Variants in PDE1C observed in about 807,000 individuals in gnomAD.
PDE1C encodes dual specificity calcium/calmodulin-dependent 3',5'-cyclic nucleotide phosphodiesterase 1C.
PDE1C carries 62 observed loss-of-function variants against 93.1 expected under a neutral mutation model. That is an observed-to-expected ratio of 0.67 (90% CI 0.54 to 0.82). The LOEUF (loss-of-function observed/expected upper bound fraction) is 0.82, where lower values mean the gene tolerates loss of function less well. PDE1C is among the 40% of genes least tolerant of loss of function. The pLI is 0.00. For missense variants in PDE1C, 742 were observed against 884.6 expected (o/e 0.84, Z 2.04); for synonymous variants, 325 against 310.1 (o/e 1.05, Z -0.50).
Position 31,823,065 on chromosome 7 carries a change from C to G in PDE1C, c.1582+8G>C. On this transcript the variant is annotated splice_region_variant and intron_variant, in intron 14 of 17. Transcript: ENST00000396191. ...TGAATTGGTTTGGACAGGTCTGTGGCATGTTACCTTTGGGTACCTTGGCCC... is the reference window on the plus strand; with the variant it reads ...TGAATTGGTTTGGACAGGTCTGTGGGATGTTACCTTTGGGTACCTTGGCCC... 6.2e-7 allele frequency: 1 copy of G among 1,605,040 alleles called. No individual in the cohort carries two copies. Among genetic ancestry groups the G allele is most frequent in the Non-Finnish European group, 8.5e-7 (1 of 1,175,338 alleles).
the PDE1C span, among the ~76,000 whole-genome samples, chr7:31,664,478 A>G: frequency 1.3e-5 from 2 of 152,204 alleles, no homozygotes; most frequent in Admixed American, 6.5e-5. Flanking sequence ...TCAGAACAAA[A>G]TAGAACATAA....
chr7:32,412,180 C>A (rs1024438290), intron 1 of PDE1C, among the ~76,000 whole-genome samples: 1 of 152,082 alleles, frequency 6.6e-6, no homozygotes, highest in Admixed American at 6.5e-5. Context: ...TACGGCTGGG[C>A]GCGGTGGCTC....
chr7:31,786,168 T>A (rs1276722434), intron 16 of PDE1C: 1 of 152,168 alleles, frequency 6.6e-6, no homozygotes, highest in Non-Finnish European at 1.5e-5. Context: ...AGAGTCTGTT[T>A]AAGGTTTTAA....
chr7:32,344,256 G>C (rs1783810391), intron 1 of PDE1C, among the ~76,000 whole-genome samples: 1 of 151,874 alleles, frequency 6.6e-6, no homozygotes, highest in Non-Finnish European at 1.5e-5. Context: ...TCATTCTTTT[G>C]TAGAGAGGGA....
intron 1 of PDE1C, among the ~76,000 whole-genome samples, chr7:32,313,715 G>A (rs1351266116): frequency 7.0e-6 from 1 of 143,458 alleles, no homozygotes; most frequent in Non-Finnish European, 1.5e-5. Context: ...AGAACACATG[G>A]ACACAGGAAG....
chr7:31,883,503 A>T (rs1330864676), intron 2 of PDE1C, among the ~76,000 whole-genome samples: 1 of 152,260 alleles, frequency 6.6e-6, no homozygotes. Flanking sequence ...ACAATCTCCT[A>T]TTTCTCATAC....
intron 1 of PDE1C, among the ~76,000 whole-genome samples, chr7:32,320,206 T>C (rs1264966576): frequency 6.6e-6 from 1 of 152,248 alleles, no homozygotes; most frequent in African/African-American, 2.4e-5. Flanking sequence ...AGTATATTTT[T>C]ACAATGACCA....
the PDE1C span, among the ~76,000 whole-genome samples, chr7:31,739,701 A>G: frequency 6.6e-6 from 1 of 152,128 alleles, no homozygotes. Context: ...GTCACGTAGA[A>G]GCACACTCTC....
At chr7:32,133,959 A>C (rs1409269263) in intron 3 of PDE1C, among the ~76,000 whole-genome samples, 1 of 151,780 alleles carries the variant, frequency 6.6e-6, no homozygotes, top group Non-Finnish European at 1.5e-5. Context: ...TATAAATATA[A>C]AAAGAAACAT....
intron 2 of PDE1C, among the ~76,000 whole-genome samples, chr7:31,988,196 C>T (rs1427093362): frequency 2.0e-5 from 3 of 152,190 alleles, no homozygotes; most frequent in African/African-American, 4.8e-5. Context: ...GTGGCAACAA[C>T]CCCCTGCTGT....
the PDE1C span, among the ~76,000 whole-genome samples, chr7:31,728,286 G>A: frequency 6.6e-6 from 1 of 152,120 alleles, no homozygotes; most frequent in East Asian, 1.9e-4. Context: ...GGAGCCTAGA[G>A]CTGCCATTTG....
the PDE1C span, among the ~76,000 whole-genome samples, chr7:31,711,997 C>T: frequency 1.3e-5 from 2 of 152,170 alleles, no homozygotes; most frequent in African/African-American, 2.4e-5. Flanking sequence ...AAGATCTGCT[C>T]GTCCTCTAGA....
intron 2 of PDE1C, among the ~76,000 whole-genome samples, chr7:31,975,581 A>C (rs535503175): frequency 6.6e-6 from 1 of 152,148 alleles, no homozygotes; most frequent in East Asian, 1.9e-4. Context: ...CTAATTTTAT[A>C]TATATATATA....
the PDE1C span, among the ~76,000 whole-genome samples, chr7:31,704,091 A>T: frequency 4.9e-4 from 74 of 152,224 alleles, 1 homozygote; most frequent in Non-Finnish European, 2.9e-4. Flanking sequence ...GGCTGGAAGC[A>T]TCAAAGAGAA....
chr7:31,871,859 T>C (rs554151792), intron 6 of PDE1C, among the ~76,000 whole-genome samples: 1 of 152,002 alleles, frequency 6.6e-6, no homozygotes, highest in Non-Finnish European at 1.5e-5. Flanking sequence ...ATCTCACTAC[T>C]GGGTATTTAT....
chr7:32,334,445 T>A (rs1170554066), intron 1 of PDE1C, among the ~76,000 whole-genome samples: 1 of 152,148 alleles, frequency 6.6e-6, no homozygotes. Flanking sequence ...TAAAAATTTT[T>A]CCCCCATAGG....
chr7:32,081,943 T>C (rs4335035), intron 3 of PDE1C, among the ~76,000 whole-genome samples: 94,942 of 151,810 alleles, frequency 0.63, 30,050 homozygotes, highest in African/African-American at 0.71. Flanking sequence ...ACGCAGAAGA[T>C]GGGTGATTTC....
At chr7:32,077,858 T>G in intron 3 of PDE1C, 1 of 985,132 alleles carries the variant, frequency 1.0e-6, no homozygotes, top group Non-Finnish European at 1.2e-6. Context: ...CATACTTTAT[T>G]ATTATTATTA....
intron 2 of PDE1C, among the ~76,000 whole-genome samples, chr7:31,955,593 A>T (rs535729528): frequency 3.3e-5 from 5 of 152,308 alleles, no homozygotes; most frequent in African/African-American, 9.6e-5. Context: ...AATTGTCTTA[A>T]AATTTAAAAA....
Sources: allele counts gnomAD v4.1 joint callset (sites outside exome capture counted in the v4.1 genomes callset), GRCh38; gene constraint gnomAD v4.1.1; transcripts MANE v1.5; gene names NCBI Gene and HGNC (gene_info 2026-07-23, HGNC 2026-07-21).